Variants in STK32B observed in about 807,000 individuals in gnomAD.
STK32B encodes the protein serine/threonine kinase 32B.
In STK32B, 43 loss-of-function variants were observed where a neutral mutation model predicts 52.6. The ratio of observed to expected loss-of-function variants is 0.82; its 90% CI spans 0.64 to 1.05. STK32B has a LOEUF of 1.05. STK32B is among the 50% of genes least tolerant of loss of function. The pLI, the probability that STK32B is intolerant of heterozygous loss-of-function variation, is 0.00. For synonymous variants in STK32B, 238 were observed against 204.3 expected (o/e 1.17, Z -1.41); for missense variants, 621 against 534.6 (o/e 1.16, Z -1.59).
intron 5 of STK32B, among the ~76,000 whole-genome samples, chr4:5,406,667 G>T (rs143182025): frequency 8.5e-4 from 130 of 152,246 alleles, no homozygotes; most frequent in African/African-American, 2.9e-3. Flanking sequence ...TGGAGCAGTG[G>T]CCTGAGATGT....
At chr4:5,481,092 A>G (rs550739806) in intron 11 of STK32B, among the ~76,000 whole-genome samples, 1 of 152,196 alleles carries the variant, frequency 6.6e-6, no homozygotes, top group African/African-American at 2.4e-5. Context: ...CTTTTGGTAT[A>G]TACCCAGAAG....
At chr4:5,111,485 C>T (rs1411308531) in intron 1 of STK32B, among the ~76,000 whole-genome samples, 1 of 152,072 alleles carries the variant, frequency 6.6e-6, no homozygotes, top group Non-Finnish European at 1.5e-5. Flanking sequence ...GAGCTGGAGG[C>T]TGTTATCCTA....
chr4:5,446,109 G>C (rs991448147), intron 6 of STK32B, among the ~76,000 whole-genome samples: 1 of 152,170 alleles, frequency 6.6e-6, no homozygotes, highest in Non-Finnish European at 1.5e-5. Context: ...CAAGTGGACG[G>C]CCCTTCCATG....
intron 2 of STK32B, among the ~76,000 whole-genome samples, chr4:5,144,818 ATCC>A (rs1440829244): frequency 6.9e-4 from 105 of 152,256 alleles, no homozygotes; most frequent in African/African-American, 2.4e-3. Context: ...CCATCCATCC[ATCC>A]ATCCATCCAT....
chr4:5,095,031 G>T (rs1713305914), intron 1 of STK32B, among the ~76,000 whole-genome samples: 1 of 152,234 alleles, frequency 6.6e-6, no homozygotes, highest in African/African-American at 2.4e-5. Flanking sequence ...TGCCTGGCAG[G>T]TGAGTGACGT....
At chr4:5,045,407 T>C in the STK32B span, among the ~76,000 whole-genome samples, 10 of 152,200 alleles carry the variant, frequency 6.6e-5, no homozygotes, top group African/African-American at 2.4e-5. Flanking sequence ...TAGAGTTCCT[T>C]CTGGTGTCAG....
intron 7 of STK32B, among the ~76,000 whole-genome samples, chr4:5,447,998 G>A (rs1424067690): frequency 6.6e-6 from 1 of 152,216 alleles, no homozygotes; most frequent in Admixed American, 6.5e-5. Flanking sequence ...GCATGATGGT[G>A]TCTTATTCAC....
At chr4:5,172,765 A>T (rs919945883) in intron 3 of STK32B, among the ~76,000 whole-genome samples, 9 of 152,134 alleles carry the variant, frequency 5.9e-5, no homozygotes, top group Non-Finnish European at 1.0e-4. Context: ...TTGGTCTAAA[A>T]TTCTCTTTTT....
intron 6 of STK32B, chr4:5,436,648 G>C: frequency 4.1e-6 from 4 of 985,428 alleles, no homozygotes; most frequent in Non-Finnish European, 4.8e-6. Context: ...GAGCAAAGCT[G>C]AGGAAGGGAG....
intron 4 of STK32B, among the ~76,000 whole-genome samples, chr4:5,374,188 A>G (rs965080315): frequency 1.3e-5 from 2 of 152,198 alleles, no homozygotes; most frequent in African/African-American, 2.4e-5. Context: ...ACTTCAGGGT[A>G]ACACCTTGAC....
At chr4:5,222,797 C>G (rs1723623633) in intron 3 of STK32B, among the ~76,000 whole-genome samples, 1 of 152,124 alleles carries the variant, frequency 6.6e-6, no homozygotes, top group South Asian at 2.1e-4. Flanking sequence ...AATTCTCAGC[C>G]TGGCCATGTA....
intron 3 of STK32B, among the ~76,000 whole-genome samples, chr4:5,219,371 T>C (rs558588052): frequency 3.9e-5 from 6 of 152,336 alleles, no homozygotes; most frequent in African/African-American, 1.4e-4. Context: ...CTGACAACAC[T>C]ACATTTTTTT....
intron 11 of STK32B, among the ~76,000 whole-genome samples, chr4:5,484,417 C>CT (rs1315247265): frequency 6.6e-6 from 1 of 151,982 alleles, no homozygotes; most frequent in Non-Finnish European, 1.5e-5. Flanking sequence ...CAACCTCTGC[C>CT]TTTTTTTGTT....
the STK32B span, among the ~76,000 whole-genome samples, chr4:5,041,044 G>T: frequency 6.6e-6 from 1 of 152,150 alleles, no homozygotes; most frequent in African/African-American, 2.4e-5. Context: ...TGTGTCTAGT[G>T]CCTTTTAGTA....
At chr4:5,284,465 G>C (rs568786938) in intron 3 of STK32B, among the ~76,000 whole-genome samples, 17 of 152,122 alleles carry the variant, frequency 1.1e-4, no homozygotes, top group African/African-American at 3.9e-4. Context: ...TCAAGGGTTC[G>C]TATGGTTTTT....
At chr4:5,390,857 G>A (rs1175487129) in intron 4 of STK32B, among the ~76,000 whole-genome samples, 1 of 151,958 alleles carries the variant, frequency 6.6e-6, no homozygotes, top group Non-Finnish European at 1.5e-5. Flanking sequence ...AGTTTCCAGT[G>A]GTCTCAGGCA....
intron 2 of STK32B, among the ~76,000 whole-genome samples, chr4:5,159,102 C>T (rs531259422): frequency 3.9e-5 from 6 of 152,262 alleles, no homozygotes; most frequent in South Asian, 2.1e-4. Context: ...CACTGACAAG[C>T]GGCAGGAGGA....
At position 5,466,795 on chromosome 4, in the gene STK32B, G is replaced by A. The variant is rs1717473760; in HGVS notation, c.1002G>A (p.Lys334=). The change falls in exon 10 of 12, where the codon AAG becomes AAA. Residue 334 remains lysine, a synonymous_variant. Coordinates refer to ENST00000282908, the MANE Select transcript of STK32B (RefSeq NM_018401.3). ...ACAAAAAGAAGAAGCGATTGGCAAAGAACAGATCCAGGGATGGCACAAAGG... is the reference window on the plus strand; with the variant it reads ...ACAAAAAGAAGAAGCGATTGGCAAAAAACAGATCCAGGGATGGCACAAAGG... ...PLHKKKKRLA[K]NRSRDGTKDS... is the part of the protein sequence containing the mutation. 1.2e-6 allele frequency: 2 copies of A among 1,613,882 alleles called. No homozygotes were observed. Among genetic ancestry groups the A allele is most frequent in the Non-Finnish European group, 1.7e-6 (2 of 1,179,938 alleles).
At chr4:5,043,083 G>A in the STK32B span, among the ~76,000 whole-genome samples, 4 of 144,290 alleles carry the variant, frequency 2.8e-5, no homozygotes, top group Admixed American at 2.1e-4. Context: ...TCCGCAGTCC[G>A]GCCTGGGCGA....
Sources: allele counts gnomAD v4.1 joint callset (sites outside exome capture counted in the v4.1 genomes callset), GRCh38; gene constraint gnomAD v4.1.1; transcripts MANE v1.5; gene names NCBI Gene and HGNC (gene_info 2026-07-23, HGNC 2026-07-21).